Variants in ABHD13 observed in about 807,000 individuals in gnomAD.
ABHD13 encodes protein ABHD13.
A neutral mutation model predicts 25.2 loss-of-function variants in ABHD13; 7 were observed. The observed-to-expected ratio is 0.28, with a 90% CI of 0.16 to 0.52. The LOEUF is 0.52. ABHD13 is among the 20% of genes least tolerant of loss of function. The pLI is 0.96. For synonymous variants in ABHD13, 133 were observed against 136.1 expected (o/e 0.98, Z 0.16); for missense variants, 302 against 402.7 (o/e 0.75, Z 2.14).
In ABHD13 at chr13:108,224,590, TCA is replaced by T. The variant is rs1210928565; in HGVS notation, c.-20-4608_-20-4607del. ...GAACACAGGAGATGATTAGTAGACATCAGAGAAGCATGGCCATCACTCATGCC... is the reference window on the plus strand; with the variant it reads ...GAACACAGGAGATGATTAGTAGACATGAGAAGCATGGCCATCACTCATGCC... On this transcript the variant is annotated intron_variant, in intron 1 of 1. Coordinates refer to ENST00000375898, the MANE Select transcript of ABHD13 (RefSeq NM_032859.3). 3.3e-5 allele frequency among the ~76,000 whole-genome samples: 5 copies of T among 152,320 alleles called. No individual in the cohort carries two copies. In the East Asian group the frequency reaches 9.6e-4, roughly 29 times the overall value.
rs1305805833 is a variant in ABHD13 at position 108,229,578 on chromosome 13, T to G, written c.360T>G (p.Phe120Leu). 1 of 1,613,200 alleles carries G rather than the reference T, an allele frequency of 6.2e-7. No individual in the cohort carries two copies. The highest frequency in any genetic ancestry group is 1.3e-5 in the African/African-American group (1 of 74,884). ...NSPYSPTIIY[F>L]HGNAGNIGHR... ...CCTATTCCCCAACTATAATTTATTT[T>G]CATGGGAATGCAGGCAACATAGGTC... Residue 120 changes from phenylalanine to leucine, a missense_variant, in exon 2 of 2, where the codon TTT (phenylalanine) becomes TTG (leucine). By Grantham distance (22) the Phe-to-Leu change is conservative. Coordinates refer to ENST00000375898, the MANE Select transcript of ABHD13 (RefSeq NM_032859.3). This position sits in a 1 kb window ranked among gnomAD's most constrained non-coding sequence, Gnocchi z 4.7.
intron 1 of ABHD13, among the ~76,000 whole-genome samples, chr13:108,227,540 A>G (rs973114705): frequency 1.5e-4 from 23 of 152,076 alleles, no homozygotes; most frequent in African/African-American, 5.3e-4. Context: ...AAATTTTAAA[A>G]TATGCCTTAT....
intron 1 of ABHD13, among the ~76,000 whole-genome samples, chr13:108,221,765 C>CT (rs1283235327): frequency 3.3e-5 from 5 of 151,606 alleles, no homozygotes; most frequent in South Asian, 2.1e-4. Context: ...GGGTAATGCA[C>CT]TTTTTTGTAT....
rs367859474 is a variant in ABHD13 at position 108,229,650 on chromosome 13, C to G, written c.432C>G (p.Asn144Lys). ...TTATGTTGGTTAACCTCAAAGTTAA[C>G]CTTTTGCTGGTTGATTATCGAGGAT... ...ALLMLVNLKV[N>K]LLLVDYRGYG... The change falls in exon 2 of 2, where the codon AAC becomes AAG. Residue 144 changes from asparagine (N) to lysine (K), a missense_variant. Physicochemically the swap from Asn to Lys is moderately conservative, Grantham distance 94. Coordinates refer to ENST00000375898, the MANE Select transcript of ABHD13 (RefSeq NM_032859.3). The surrounding 1 kb of genome is among the most constrained non-coding windows in gnomAD (Gnocchi z 4.7). 4 of 1,613,262 alleles carry G rather than the reference C, an allele frequency of 2.5e-6. No homozygotes were observed. Among genetic ancestry groups the G allele is most frequent in the Admixed American group, 1.7e-5 (1 of 59,832 alleles).
At position 108,229,376 on chromosome 13, in the gene ABHD13, T is replaced by C. The variant is rs1166309880; in HGVS notation, c.158T>C (p.Ile53Thr). ...IILLLLIFIS[I>T]AGILYKFQDV... The stretch of plus-strand genomic sequence containing the variant: ...TTACTTTTGTTAATATTCATATCAA[T>C]AGCAGGTATTCTGTATAAATTCCAG... Residue 53 changes from isoleucine to threonine, a missense_variant, in exon 2 of 2, where the codon ATA becomes ACA. Transcript: ENST00000375898. The surrounding 1 kb of genome is among the most constrained non-coding windows in gnomAD (Gnocchi z 4.7). The C allele has an allele frequency of 6.2e-7, 1 of 1,612,642 alleles. No individual in the cohort carries two copies. The highest frequency in any genetic ancestry group is 8.5e-7 in the Non-Finnish European group (1 of 1,179,210).
chr13:108,223,004 C>T (rs750727392), intron 1 of ABHD13, among the ~76,000 whole-genome samples: 1 of 152,218 alleles, frequency 6.6e-6, no homozygotes, highest in Non-Finnish European at 1.5e-5. Flanking sequence ...ACAGGAGGCA[C>T]TTCCTTAAAG....
At chr13:108,219,289 A>G (rs531237231) in intron 1 of ABHD13, among the ~76,000 whole-genome samples, 47 of 152,308 alleles carry the variant, frequency 3.1e-4, no homozygotes, top group African/African-American at 1.1e-3. Flanking sequence ...TCAACATTTA[A>G]GTAAAATGAA....
At chr13:108,228,166 C>T (rs1464400893) in intron 1 of ABHD13, among the ~76,000 whole-genome samples, 1 of 151,604 alleles carries the variant, frequency 6.6e-6, no homozygotes, top group Non-Finnish European at 1.5e-5. Context: ...ATGTATAAAC[C>T]TTTTGATAAC....
At chr13:108,219,292 A>G (rs574852421) in intron 1 of ABHD13, among the ~76,000 whole-genome samples, 4 of 152,210 alleles carry the variant, frequency 2.6e-5, no homozygotes, top group Non-Finnish European at 5.9e-5. Flanking sequence ...ACATTTAAGT[A>G]AAATGAATTA....
chr13:108,233,624 G>T lies in ABHD13; in HGVS notation c.*3392G>T, dbSNP rs2148429. 0.12 allele frequency: 19,364 copies of T among 166,616 alleles called. 1,528 individuals are homozygous for T. Among genetic ancestry groups the T allele is most frequent in the Admixed American group, 0.16 (2,467 of 15,228 alleles). The allele number at this position is 166,616 out of a possible 1,614,324, so 10.3% of individuals were successfully genotyped here. ...TTTTCATATTACTCAGGTAAAGATGGAAATGACAGAGCACAGACATTTATT... is the reference window on the plus strand; with the variant it reads ...TTTTCATATTACTCAGGTAAAGATGTAAATGACAGAGCACAGACATTTATT... On this transcript the variant is annotated 3_prime_UTR_variant, in exon 2 of 2. Coordinates refer to ENST00000375898, the MANE Select transcript of ABHD13 (RefSeq NM_032859.3).
chr13:108,218,933 G>A (rs539536037), intron 1 of ABHD13, among the ~76,000 whole-genome samples: 11 of 152,228 alleles, frequency 7.2e-5, no homozygotes, highest in African/African-American at 1.9e-4. Flanking sequence ...CCAAATACCT[G>A]TTTTGGAAAC....
At chr13:108,223,620 C>G (rs1003915383) in intron 1 of ABHD13, among the ~76,000 whole-genome samples, 1 of 152,212 alleles carries the variant, frequency 6.6e-6, no homozygotes, top group African/African-American at 2.4e-5. Flanking sequence ...TTGATTCTTA[C>G]AAAGGCACCA....
rs1424138216 is a variant in ABHD13, at chr13:108,231,847, AAGT to A, written c.*1617_*1619del. On this transcript the variant is annotated 3_prime_UTR_variant, in exon 2 of 2. Transcript: ENST00000375898. ...GTATTTAGAAAAAATAAATTATAGCAAGTATGATTTCTAAGAATGTTTTTCTAT... is the reference window on the plus strand; with the variant it reads ...GTATTTAGAAAAAATAAATTATAGCAATGATTTCTAAGAATGTTTTTCTAT... 1 of 160,434 alleles carries A rather than the reference AAGT, an allele frequency of 6.2e-6. No homozygotes were observed. Among genetic ancestry groups the A allele is most frequent in the African/African-American group, 2.5e-5 (1 of 40,340 alleles). 9.9% of individuals were successfully genotyped at this position (160,434 alleles called of 1,614,324 possible).
chr13:108,223,350 G>T (rs986121060), intron 1 of ABHD13, among the ~76,000 whole-genome samples: 1 of 152,148 alleles, frequency 6.6e-6, no homozygotes, highest in Non-Finnish European at 1.5e-5. Context: ...TAAAAATGTT[G>T]TTACCTGAAC....
rs757961945 is a variant in ABHD13, at chr13:108,229,398, C to T, written c.180C>T (p.Phe60=). Residue 60 remains phenylalanine, a synonymous_variant, in exon 2 of 2, where the codon TTC becomes TTT. Transcript: ENST00000375898. The surrounding 1 kb of genome is among the most constrained non-coding windows in gnomAD (Gnocchi z 4.7). ...CAATAGCAGGTATTCTGTATAAATTCCAGGATGTATTGCTTTATTTTCCAG... is the reference window on the plus strand; with the variant it reads ...CAATAGCAGGTATTCTGTATAAATTTCAGGATGTATTGCTTTATTTTCCAG... ...FISIAGILYK[F]QDVLLYFPEQ... is the part of the protein sequence containing the mutation. 9 of 1,612,344 alleles carry T rather than the reference C, an allele frequency of 5.6e-6. No individual in the cohort carries two copies. Among genetic ancestry groups the T allele is most frequent in the South Asian group, 4.4e-5 (4 of 90,874 alleles).
chr13:108,221,522 C>T (rs994882798), intron 1 of ABHD13, among the ~76,000 whole-genome samples: 2 of 152,174 alleles, frequency 1.3e-5, no homozygotes, highest in African/African-American at 4.8e-5. Flanking sequence ...GGCATTGACA[C>T]ACGAACTCCC....
intron 1 of ABHD13, among the ~76,000 whole-genome samples, chr13:108,223,143 A>G (rs1367980948): frequency 6.6e-6 from 1 of 152,210 alleles, no homozygotes; most frequent in African/African-American, 2.4e-5. Context: ...TTCATTGGTC[A>G]TTTGGAATAT....
chr13:108,229,911 A>C lies in ABHD13; in HGVS notation c.693A>C (p.Ser231=). 6.2e-7 allele frequency: 1 copy of C among 1,613,282 alleles called. No homozygotes were observed. ...SIPHMASTLF[S]FFPMRYLPLW... ...CACATATGGCCAGCACTTTATTTTCATTCTTTCCGATGCGTTACCTTCCTT... is the reference window on the plus strand; with the variant it reads ...CACATATGGCCAGCACTTTATTTTCCTTCTTTCCGATGCGTTACCTTCCTT... The change falls in exon 2 of 2, where the codon TCA becomes TCC. Residue 231 remains serine, a synonymous_variant. Coordinates refer to ENST00000375898, the MANE Select transcript of ABHD13 (RefSeq NM_032859.3). This position sits in a 1 kb window ranked among gnomAD's most constrained non-coding sequence, Gnocchi z 4.7.
intron 1 of ABHD13, among the ~76,000 whole-genome samples, chr13:108,228,140 G>C (rs1879712865): frequency 6.6e-6 from 1 of 151,884 alleles, no homozygotes; most frequent in Non-Finnish European, 1.5e-5. Flanking sequence ...CAATTCTTTT[G>C]CCTTTTTAAG....
Sources: allele counts gnomAD v4.1 joint callset (sites outside exome capture counted in the v4.1 genomes callset), GRCh38; gene constraint gnomAD v4.1.1; non-coding constraint Gnocchi (gnomAD v3.1); transcripts MANE v1.5; gene names NCBI Gene and HGNC (gene_info 2026-07-23, HGNC 2026-07-21).